ADAMTSL1: variants seen among roughly 807,000 people sequenced by gnomAD.
ADAMTSL1 encodes the protein ADAMTS like 1.
A neutral mutation model predicts 201.8 loss-of-function variants in ADAMTSL1; 126 were observed. The observed-to-expected ratio is 0.62, with a 90% CI of 0.54 to 0.72. ADAMTSL1 has a LOEUF of 0.72. Ranked by LOEUF, ADAMTSL1 falls within the 30% of genes least tolerant of loss-of-function variation. The pLI, the probability that ADAMTSL1 is intolerant of heterozygous loss-of-function variation, is 0.00. For missense variants in ADAMTSL1, 2,679 were observed against 2,277.8 expected, an observed-to-expected ratio of 1.18 and a Z score of -3.59; for synonymous variants, 1,121 against 903.4, an observed-to-expected ratio of 1.24 and a Z score of -4.32.
chr9:18,425,193 C>A (rs886513024), intron 2 of ADAMTSL1, among the ~76,000 whole-genome samples: 1 of 152,030 alleles, frequency 6.6e-6, no homozygotes, highest in Admixed American at 6.6e-5. Context: ...CTCCCTCCCC[C>A]ACTTCATCTT....
intron 1 of ADAMTSL1, among the ~76,000 whole-genome samples, chr9:18,064,954 ATTTT>A (rs563021690): frequency 8.7e-5 from 6 of 69,014 alleles, no homozygotes; most frequent in East Asian, 4.8e-4. Context: ...TTTGCTAAAG[ATTTT>A]TTTTTTTTTT....
chr9:18,148,077 C>A (rs1021892318), intron 1 of ADAMTSL1, among the ~76,000 whole-genome samples: 1 of 151,988 alleles, frequency 6.6e-6, no homozygotes, highest in African/African-American at 2.4e-5. Flanking sequence ...GTTGAAATGA[C>A]CAAATCTGCT....
At chr9:18,319,299 CAT>C (rs1563883975) in intron 2 of ADAMTSL1, among the ~76,000 whole-genome samples, 8 of 152,176 alleles carry the variant, frequency 5.3e-5, no homozygotes, top group Admixed American at 3.9e-4. Context: ...CTTCCTAAAT[CAT>C]GTGGAAATGT....
At chr9:18,884,392 C>A (rs1209247721) in intron 23 of ADAMTSL1, among the ~76,000 whole-genome samples, 1 of 152,086 alleles carries the variant, frequency 6.6e-6, no homozygotes, top group South Asian at 2.1e-4. Flanking sequence ...TTGATGGTGT[C>A]TTATGATGTG....
chr9:18,000,556 T>C (rs1261772045), intron 1 of ADAMTSL1, among the ~76,000 whole-genome samples: 1 of 152,038 alleles, frequency 6.6e-6, no homozygotes, highest in Non-Finnish European at 1.5e-5. Context: ...TCTGTGTTAG[T>C]CATCTTGCTT....
At chr9:18,773,075 G>A (rs1820785794) in intron 17 of ADAMTSL1, among the ~76,000 whole-genome samples, 1 of 152,112 alleles carries the variant, frequency 6.6e-6, no homozygotes, top group Non-Finnish European at 1.5e-5. Context: ...CATTCCCCTG[G>A]CCGTCTGGCT....
intron 1 of ADAMTSL1, among the ~76,000 whole-genome samples, chr9:17,979,630 G>A (rs1242061897): frequency 2.6e-5 from 4 of 151,394 alleles, no homozygotes; most frequent in Admixed American, 6.6e-5. Context: ...AGGAGCTTTT[G>A]TAAGATCAGT....
intron 2 of ADAMTSL1, among the ~76,000 whole-genome samples, chr9:18,386,193 T>C (rs192300620): frequency 6.6e-6 from 1 of 152,314 alleles, no homozygotes; most frequent in East Asian, 1.9e-4. Flanking sequence ...CTGAAGAATG[T>C]TATTTTAAAC....
intron 20 of ADAMTSL1, among the ~76,000 whole-genome samples, chr9:18,798,621 C>G (rs777964163): frequency 8.5e-5 from 13 of 152,130 alleles, no homozygotes; most frequent in Non-Finnish European, 1.6e-4. Context: ...AATAGGGAAG[C>G]TAGATTAGCC....
intron 7 of ADAMTSL1, among the ~76,000 whole-genome samples, chr9:18,647,989 T>C (rs1177928683): frequency 6.7e-6 from 1 of 149,966 alleles, no homozygotes; most frequent in Non-Finnish European, 1.5e-5. Flanking sequence ...CAGTGGGGTG[T>C]TAAAGTCTCC....
At chr9:18,146,012 T>C (rs961813499) in intron 1 of ADAMTSL1, among the ~76,000 whole-genome samples, 1 of 151,828 alleles carries the variant, frequency 6.6e-6, no homozygotes, top group African/African-American at 2.4e-5. Context: ...ACTAGGAAAA[T>C]GCAAATTAAA....
chr9:17,973,854 G>T (rs1301848952), intron 1 of ADAMTSL1, among the ~76,000 whole-genome samples: 2 of 150,330 alleles, frequency 1.3e-5, no homozygotes, highest in African/African-American at 4.9e-5. Flanking sequence ...GCAGTGGTTT[G>T]TAGTTCTCCT....
chr9:18,877,297 T>C (rs1221608607), intron 23 of ADAMTSL1, among the ~76,000 whole-genome samples: 2 of 152,188 alleles, frequency 1.3e-5, no homozygotes, highest in Non-Finnish European at 2.9e-5. Flanking sequence ...GTGTGATCTT[T>C]TGGGAGTGTT....
At position 18,452,541 on chromosome 9, in the gene ADAMTSL1, T is replaced by C. The variant is rs112461474; in HGVS notation, c.208-52288T>C. Reference sequence around the variant, plus strand: ...AAGTCTAATCTAAATCAGATGTAGATGAAACTCCAGGCATGATTCATCCTA... The same window carrying C: ...AAGTCTAATCTAAATCAGATGTAGACGAAACTCCAGGCATGATTCATCCTA... On this transcript the variant is annotated intron_variant, in intron 2 of 29. Coordinates refer to the ADAMTSL1 transcript ENST00000680146. 9.1e-3 allele frequency among the ~76,000 whole-genome samples: 1,390 copies of C among 152,306 alleles called. 23 individuals carry two copies. Among genetic ancestry groups the C allele is most frequent in the African/African-American group, 0.032 (1,326 of 41,564 alleles).
intron 23 of ADAMTSL1, among the ~76,000 whole-genome samples, chr9:18,844,841 C>A (rs1358360281): frequency 6.6e-6 from 1 of 152,212 alleles, no homozygotes; most frequent in Non-Finnish European, 1.5e-5. Flanking sequence ...ACCCTCCGAG[C>A]CATGTGCGGG....
At chr9:18,194,083 T>C (rs993954184) in intron 2 of ADAMTSL1, among the ~76,000 whole-genome samples, 33 of 152,004 alleles carry the variant, frequency 2.2e-4, no homozygotes, top group Admixed American at 1.2e-3. Flanking sequence ...GTTGGAGTGA[T>C]AGTGAAACTG....
chr9:18,707,860 G>A (rs1832318756), intron 14 of ADAMTSL1, among the ~76,000 whole-genome samples: 1 of 152,210 alleles, frequency 6.6e-6, no homozygotes, highest in South Asian at 2.1e-4. Flanking sequence ...CAGATGTTAT[G>A]AACAGGATTG....
chr9:18,521,669 C>T (rs1354017103), intron 2 of ADAMTSL1, among the ~76,000 whole-genome samples: 1 of 152,090 alleles, frequency 6.6e-6, no homozygotes, highest in Non-Finnish European at 1.5e-5. Context: ...ATTGCCTCCT[C>T]TTGTTGGGAG....
At chr9:18,794,341 C>A (rs1822235712) in intron 19 of ADAMTSL1, among the ~76,000 whole-genome samples, 1 of 150,148 alleles carries the variant, frequency 6.7e-6, no homozygotes, top group South Asian at 2.1e-4. Context: ...CCCAGGAGTT[C>A]AAGACTGCAG....
Sources: allele counts gnomAD v4.1 joint callset (sites outside exome capture counted in the v4.1 genomes callset), GRCh38; gene constraint gnomAD v4.1.1; transcripts MANE v1.5; gene names NCBI Gene and HGNC (gene_info 2026-07-23, HGNC 2026-07-21).